The following PIK3C2G variants were observed in gnomAD, a reference collection of about 807,000 sequenced individuals.
The protein encoded by PIK3C2G is phosphatidylinositol-4-phosphate 3-kinase catalytic subunit type 2 gamma, also known as phosphatidylinositol 3-kinase C2 domain-containing subunit gamma.
PIK3C2G carries 168 observed loss-of-function variants against 181.1 expected under a neutral mutation model. That is an observed-to-expected ratio of 0.93 (90% CI 0.82 to 1.05). PIK3C2G has a LOEUF of 1.05. Among genes scored for constraint, PIK3C2G ranks in the 50% least tolerant of loss-of-function variants. PIK3C2G has a pLI of 0.00. For missense variants in PIK3C2G, 1,869 were observed against 1,732.8 expected (o/e 1.08, Z -1.40); for synonymous variants, 573 against 592.2 (o/e 0.97, Z 0.47).
In PIK3C2G at chr12:18,391,393, T is replaced by C. The variant is rs1393292906; in HGVS notation, c.2126+141T>C. ...ATTTCCTGATGTCATGCTTCTTGGA[T>C]GGTTAATTAATGTTTAGGACGTAAA... On this transcript the variant is annotated intron_variant, in intron 15 of 32. Coordinates refer to ENST00000538779, the MANE Select transcript of PIK3C2G (RefSeq NM_001288772.2). The C allele has an allele frequency of 5.5e-6, 3 of 544,272 alleles. No homozygotes were observed. The South Asian group carries it at 1.4e-4, about 26-fold the overall frequency. The allele number at this position is 544,272 out of a possible 1,614,324, so 33.7% of individuals were successfully genotyped here. A position where few individuals can be genotyped will look rare whatever the true frequency, so the allele number is the denominator to read the frequency against.
chr12:18,367,440 T>C (rs1383354262), intron 12 of PIK3C2G, among the ~76,000 whole-genome samples: 1 of 152,220 alleles, frequency 6.6e-6, no homozygotes, highest in African/African-American at 2.4e-5. Flanking sequence ...TTCTTCTCAC[T>C]CTAGTATTTT....
chr12:18,613,009 T>A lies in PIK3C2G; in HGVS notation c.4182+3380T>A, dbSNP rs989271723. Among the ~76,000 whole-genome samples the A allele has an allele frequency of 2.0e-5, 3 of 152,106 alleles. No individual in the cohort carries two copies. The South Asian group carries it at 6.2e-4, about 32-fold the overall frequency. On this transcript the variant is annotated intron_variant, in intron 31 of 32. Transcript: ENST00000538779. The stretch of plus-strand genomic sequence containing the variant: ...AGTATTTAAAAGCTTGGCCATGATT[T>A]TCTAAAACACCATTTCAGTTTATAT...
intron 11 of PIK3C2G, among the ~76,000 whole-genome samples, chr12:18,356,684 G>A (rs1405027776): frequency 6.6e-6 from 1 of 152,106 alleles, no homozygotes; most frequent in African/African-American, 2.4e-5. Flanking sequence ...AGCTGGAAAG[G>A]AGATGGAGTG....
chr12:18,349,507 C>G (rs1361045261), intron 11 of PIK3C2G, among the ~76,000 whole-genome samples: 1 of 152,180 alleles, frequency 6.6e-6, no homozygotes. Context: ...GAACACCCCA[C>G]TCAAGCTATC....
At chr12:18,526,821 A>G (rs1271346079) in intron 24 of PIK3C2G, among the ~76,000 whole-genome samples, 2 of 152,124 alleles carry the variant, frequency 1.3e-5, no homozygotes, top group African/African-American at 4.8e-5. Flanking sequence ...AGTTTGTTTT[A>G]TCGATCTCAT....
intron 18 of PIK3C2G, among the ~76,000 whole-genome samples, chr12:18,433,905 T>C (rs1276266783): frequency 2.0e-5 from 3 of 152,188 alleles, no homozygotes; most frequent in African/African-American, 7.2e-5. Flanking sequence ...AGATCTGGGA[T>C]GGTGACAGAA....
At chr12:18,657,384 C>G in the PIK3C2G span, among the ~76,000 whole-genome samples, 1 of 152,098 alleles carries the variant, frequency 6.6e-6, no homozygotes, top group African/African-American at 2.4e-5. Flanking sequence ...ATCCAGAGCT[C>G]TTGTCACTGG....
rs1477647612 is a variant in PIK3C2G at position 18,416,989 on chromosome 12, A to T, written c.2316-3952A>T. On this transcript the variant is annotated intron_variant, in intron 16 of 32. Transcript: ENST00000538779. ...GGAAACCTTCTGGAAAGGATTCACC[A>T]TTCTAGATATAATTAAGAACATTGG... is the stretch of plus-strand genomic sequence containing the variant. Among the ~76,000 whole-genome samples the T allele has an allele frequency of 2.2e-4, 34 of 152,214 alleles. 1 individual carries two copies. Among genetic ancestry groups the T allele is most frequent in the Admixed American group, 2.2e-3 (33 of 15,280 alleles).
chr12:18,696,689 T>C, the PIK3C2G span, among the ~76,000 whole-genome samples: 2 of 152,172 alleles, frequency 1.3e-5, no homozygotes, highest in East Asian at 1.9e-4. Flanking sequence ...CAGAATCATA[T>C]GGAAGTCACA....
intron 22 of PIK3C2G, among the ~76,000 whole-genome samples, chr12:18,499,081 T>C (rs1941229039): frequency 6.6e-6 from 1 of 152,230 alleles, no homozygotes; most frequent in South Asian, 2.1e-4. Context: ...CTCATTTCTA[T>C]TTATAATCAT....
chr12:18,328,492 A>G (rs1238651522), intron 8 of PIK3C2G, among the ~76,000 whole-genome samples: 3 of 152,004 alleles, frequency 2.0e-5, no homozygotes, highest in Non-Finnish European at 4.4e-5. Flanking sequence ...CTATTGTTAG[A>G]CTTTCAGAAG....
intron 30 of PIK3C2G, among the ~76,000 whole-genome samples, chr12:18,607,019 G>C (rs1948063572): frequency 1.3e-5 from 2 of 152,070 alleles, no homozygotes; most frequent in South Asian, 4.1e-4. Flanking sequence ...TGGGGATATA[G>C]GGGTAAAAAG....
upstream of PIK3C2G, among the ~76,000 whole-genome samples, chr12:18,257,695 A>G (rs977183116): frequency 7.0e-4 from 106 of 150,778 alleles, 1 homozygote; most frequent in Admixed American, 7.0e-3. Context: ...AAGAAAAAAG[A>G]AAGAAGACAA....
chr12:18,564,327 T>A lies in PIK3C2G; in HGVS notation c.3902+829T>A, dbSNP rs74409815. Among the ~76,000 whole-genome samples, 873 of 151,774 alleles carry A rather than the reference T, an allele frequency of 5.8e-3. 5 individuals are homozygous for A. Among genetic ancestry groups the A allele is most frequent in the African/African-American group, 0.02 (832 of 41,350 alleles). ...GCTTTCCAGAAATCATGATATTGCA[T>A]TTAGGTTAATCAGATGTTTTATCTA... is the stretch of plus-strand genomic sequence containing the variant. On this transcript the variant is annotated intron_variant, in intron 28 of 32. Coordinates refer to ENST00000538779, the MANE Select transcript of PIK3C2G (RefSeq NM_001288772.2).
intron 18 of PIK3C2G, among the ~76,000 whole-genome samples, chr12:18,444,089 T>C (rs554721097): frequency 1.0e-3 from 158 of 152,318 alleles, no homozygotes; most frequent in African/African-American, 3.6e-3. Context: ...AAAATAAATA[T>C]GTAAACAAAT....
chr12:18,299,933 A>G (rs1950106890), intron 5 of PIK3C2G, among the ~76,000 whole-genome samples: 2 of 151,970 alleles, frequency 1.3e-5, no homozygotes, highest in South Asian at 4.1e-4. Context: ...CAGTTTGCCA[A>G]TATTTTCTTC....
intron 3 of PIK3C2G, among the ~76,000 whole-genome samples, chr12:18,288,380 T>C (rs1949546011): frequency 6.6e-6 from 1 of 152,188 alleles, no homozygotes; most frequent in South Asian, 2.1e-4. Flanking sequence ...TGAGAGATAC[T>C]CAAATTTAAA....
At chr12:18,284,712 C>T (rs1159284856) in intron 2 of PIK3C2G, among the ~76,000 whole-genome samples, 1 of 151,928 alleles carries the variant, frequency 6.6e-6, no homozygotes, top group African/African-American at 2.4e-5. Flanking sequence ...CCAAGTCCAG[C>T]GCTGGAAACA....
At chr12:18,307,817 G>T (rs1165212803) in intron 5 of PIK3C2G, among the ~76,000 whole-genome samples, 1 of 150,916 alleles carries the variant, frequency 6.6e-6, no homozygotes, top group Admixed American at 6.6e-5. Flanking sequence ...AATTTATCAC[G>T]TAGGCCACAG....
Sources: gnomAD v4.1 joint callset for allele counts (sites outside exome capture counted in the v4.1 genomes callset) on GRCh38, gnomAD v4.1.1 for gene constraint, MANE v1.5 for transcripts, NCBI Gene and HGNC (gene_info 2026-07-23, HGNC 2026-07-21) for gene names.